The following CHAT variants were observed in gnomAD, a reference collection of about 807,000 sequenced individuals.
CHAT encodes the protein acetyl CoA:choline O-acetyltransferase.
A neutral mutation model predicts 76.9 loss-of-function variants in CHAT; 61 were observed. That is an observed-to-expected ratio of 0.79 (90% CI 0.65 to 0.98). The LOEUF is 0.98. CHAT is among the 50% of genes least tolerant of loss of function. CHAT has a pLI of 0.00. For synonymous variants in CHAT, 407 were observed against 397.4 expected, an observed-to-expected ratio of 1.02 and a Z score of -0.29; for missense variants, 946 against 986.9, an observed-to-expected ratio of 0.96 and a Z score of 0.56.
intron 4 of CHAT, among the ~76,000 whole-genome samples, chr10:49,621,308 C>A (rs1488344371): frequency 2.6e-5 from 4 of 152,102 alleles, no homozygotes; most frequent in Admixed American, 2.6e-4. Context: ...GCTAGGAAGA[C>A]CTCCCCACCC....
chr10:49,659,279 CAGAG>C (rs1840120751), intron 13 of CHAT, among the ~76,000 whole-genome samples: 1 of 152,168 alleles, frequency 6.6e-6, no homozygotes, highest in African/African-American at 2.4e-5. Context: ...TATTTTTAGA[CAGAG>C]AAAGTCTCAA....
At chr10:49,619,044 A>G (rs939992038) in intron 2 of CHAT, among the ~76,000 whole-genome samples, 24 of 152,086 alleles carry the variant, frequency 1.6e-4, no homozygotes, top group Admixed American at 1.1e-3. Context: ...TGGGTTTTAT[A>G]AGTAGGAGGG....
intron 13 of CHAT, among the ~76,000 whole-genome samples, chr10:49,658,867 T>C (rs563815707): frequency 9.2e-5 from 14 of 152,188 alleles, no homozygotes; most frequent in Admixed American, 7.2e-4. Context: ...TAAAAATAAC[T>C]CTGGGGGAAA....
At chr10:49,612,226 G>T, upstream of CHAT, 1 of 1,609,380 alleles carries the variant, frequency 6.2e-7, no homozygotes, top group African/African-American at 1.3e-5. Context: ...TCTGTACGAT[G>T]CGGTGCGCCT....
Position 49,649,647 on chromosome 10 carries a change from C to T in CHAT, c.1511+11C>T, listed in dbSNP as rs746929234. On this transcript the variant is annotated intron_variant, in intron 10 of 14. Coordinates refer to ENST00000337653, the MANE Select transcript of CHAT (RefSeq NM_020549.5). ...AGAAAAACTTCAACGGTAAGGATAA[C>T]CGAAGTCTCCTTTGAGGGGTCCCCT... The T allele has an allele frequency of 5.1e-5, 82 of 1,613,532 alleles. No homozygotes were observed. The highest frequency in any genetic ancestry group is 6.8e-5 in the Non-Finnish European group (80 of 1,180,010).
chr10:49,611,496 G>T (rs768089288), upstream of CHAT: 2 of 1,600,226 alleles, frequency 1.2e-6, no homozygotes, highest in Non-Finnish European at 8.5e-7. Flanking sequence ...CTGCCGTGTC[G>T]CTCTTTGACG....
chr10:49,614,012 G>A (rs1418173160), upstream of CHAT: 1 of 1,163,840 alleles, frequency 8.6e-7, no homozygotes, highest in South Asian at 1.4e-5. Flanking sequence ...TGGAATAATG[G>A]GGTTGGGGAA....
chr10:49,625,726 C>T, intron 6 of CHAT, 73 bp downstream of exon 6: 1 of 1,453,018 alleles, frequency 6.9e-7, no homozygotes, highest in Non-Finnish European at 9.4e-7. Context: ...CCATTACCTT[C>T]TCCGAGGGGG....
rs192627776 is a variant in CHAT, at chr10:49,656,342, G to C, written c.1839+894G>C. On this transcript the variant is annotated intron_variant, in intron 13 of 14. Transcript: ENST00000337653. ...CATGCTTTATGCCAGGCAAGGTGCT[G>C]GGTGCTAGGAAACAAAATATGAAGT... 4.7e-5 allele frequency among the ~76,000 whole-genome samples: 7 copies of C among 148,558 alleles called. No individual in the cohort carries two copies. The Admixed American group carries it at 4.7e-4, about 10-fold the overall frequency.
In CHAT at chr10:49,667,714, A is replaced by G. The variant is rs923977484; in HGVS notation, c.*2668A>G. On this transcript the variant is annotated 3_prime_UTR_variant, in exon 15 of 15. Transcript: ENST00000337653. ...ATAAAATGTATGTGGCCACCTTACAATACTGCTAAGTTGCTAAAATATATA... is the reference window on the plus strand; with the variant it reads ...ATAAAATGTATGTGGCCACCTTACAGTACTGCTAAGTTGCTAAAATATATA... Among the ~76,000 whole-genome samples the G allele has an allele frequency of 5.3e-5, 8 of 152,258 alleles. No homozygotes were observed. The highest frequency in any genetic ancestry group is 5.2e-4 in the Admixed American group (8 of 15,284).
At chr10:49,612,039 G>T (rs769077516), upstream of CHAT, 9 of 1,613,580 alleles carry the variant, frequency 5.6e-6, no homozygotes, top group African/African-American at 8.0e-5. Context: ...TGGCCTACGC[G>T]CTCGGGCCCA....
At chr10:49,611,953 C>A, upstream of CHAT, 1 of 1,612,816 alleles carries the variant, frequency 6.2e-7, no homozygotes, top group Non-Finnish European at 8.5e-7. Flanking sequence ...GCTGCCCACG[C>A]TCGCCTTCCT....
rs1196432354 is a variant in CHAT, at chr10:49,667,374, C to G, written c.*2328C>G. ...TTTACACTGATATGACAGACTCAAA[C>G]TCATATTTGCTATTCTCCGAGCACA... On this transcript the variant is annotated 3_prime_UTR_variant, in exon 15 of 15. Coordinates refer to ENST00000337653, the MANE Select transcript of CHAT (RefSeq NM_020549.5). 1.3e-5 allele frequency among the ~76,000 whole-genome samples: 2 copies of G among 152,214 alleles called. No individual in the cohort carries two copies. Among genetic ancestry groups the G allele is most frequent in the Admixed American group, 1.3e-4 (2 of 15,282 alleles).
At chr10:49,617,741 C>A (rs912218901) in intron 2 of CHAT, among the ~76,000 whole-genome samples, 2 of 152,076 alleles carry the variant, frequency 1.3e-5, no homozygotes, top group African/African-American at 4.8e-5. Context: ...CAGACCACCC[C>A]CCCCACCGCA....
rs932155939 is a variant in CHAT at position 49,667,790 on chromosome 10, A to G, written c.*2744A>G. Among the ~76,000 whole-genome samples, 1 of 152,264 alleles carries G rather than the reference A, an allele frequency of 6.6e-6. No individual in the cohort carries two copies. The highest frequency in any genetic ancestry group is 1.5e-5 in the Non-Finnish European group (1 of 68,040). On this transcript the variant is annotated 3_prime_UTR_variant, in exon 15 of 15. Transcript: ENST00000337653. The stretch of plus-strand genomic sequence containing the variant: ...ATAAAATAGTTCTAGATTTATGGCA[A>G]TATAAACGTGTATAGCCTTTTGATT...
intron 14 of CHAT, 70 bp from the exon 15 acceptor site, chr10:49,664,707 A>G: frequency 1.9e-6 from 3 of 1,595,128 alleles, no homozygotes; most frequent in Non-Finnish European, 2.6e-6. Context: ...AAAACAGAGA[A>G]GCCAAGCCCA....
intron 7 of CHAT, among the ~76,000 whole-genome samples, chr10:49,631,003 G>A (rs1474046499): frequency 2.0e-5 from 3 of 152,132 alleles, no homozygotes; most frequent in African/African-American, 4.8e-5. Context: ...ATATATGAAG[G>A]TTCAAAGTGA....
chr10:49,662,929 G>A, intron 14 of CHAT, 147 bp downstream of exon 14: 2 of 1,056,002 alleles, frequency 1.9e-6, no homozygotes, highest in Non-Finnish European at 2.9e-6. Flanking sequence ...TGATCTGAAT[G>A]TTCATTAGAA....
chr10:49,626,270 T>G (rs1362165183), intron 6 of CHAT, among the ~76,000 whole-genome samples: 4 of 152,156 alleles, frequency 2.6e-5, no homozygotes, highest in Admixed American at 2.6e-4. Flanking sequence ...GACCCATGGG[T>G]CCTGGGGGAC....
Sources: allele counts gnomAD v4.1 joint callset (sites outside exome capture counted in the v4.1 genomes callset), GRCh38; gene constraint gnomAD v4.1.1; transcripts MANE v1.5; gene names NCBI Gene and HGNC (gene_info 2026-07-23, HGNC 2026-07-21).